CCDC197: variants seen among roughly 807,000 people sequenced by gnomAD.
CCDC197 encodes the protein coiled-coil domain containing 197, also known as uncharacterized protein CCDC197.
A neutral mutation model predicts 13.4 loss-of-function variants in CCDC197; 24 were observed. The observed-to-expected ratio is 1.80, with a 90% CI of 1.30 to 2.53. CCDC197 has a LOEUF of 2.53. CCDC197 is among the 30% of genes most tolerant of loss of function. The pLI is 0.00. For missense variants in CCDC197, 255 were observed against 148.8 expected (o/e 1.71, Z -3.71); for synonymous variants, 99 against 55.5 (o/e 1.78, Z -3.48).
chr14:93,993,579 A>G (rs1595348131), upstream of CCDC197, among the ~76,000 whole-genome samples: 3 of 152,318 alleles, frequency 2.0e-5, no homozygotes, highest in South Asian at 2.1e-4. Flanking sequence ...ATGGCTGAGG[A>G]AGGGCCGGCC....
At chr14:93,996,953 G>T (rs563191260), upstream of CCDC197, among the ~76,000 whole-genome samples, 23 of 152,214 alleles carry the variant, frequency 1.5e-4, no homozygotes, top group Non-Finnish European at 2.8e-4. Flanking sequence ...TGAGCCTTGG[G>T]GGGGCTGATG....
chr14:94,001,306 C>CTG lies in CCDC197; in HGVS notation c.349_350insTG (p.His117LeufsTer7). 2.6e-6 allele frequency: 2 copies of CTG among 776,530 alleles called. No individual in the cohort carries two copies. Among genetic ancestry groups the CTG allele is most frequent in the Non-Finnish European group, 4.8e-6 (2 of 415,608 alleles). The allele number at this position is 776,530 out of a possible 1,614,324, so 48.1% of individuals were successfully genotyped here. ...GAGCCTGGAGTCTCTGGAGGAGGAC[C>CTG]ACAGGGCTCTCATGTTGGTAACAGC... On this transcript the variant is annotated frameshift_variant, in exon 4 of 7. Coordinates refer to ENST00000636493, the MANE Select transcript of CCDC197 (RefSeq NM_001351596.2). LOFTEE classifies it high-confidence loss of function.
chr14:94,001,960 C>A (rs1890527742), intron 4 of CCDC197, among the ~76,000 whole-genome samples: 1 of 152,158 alleles, frequency 6.6e-6, no homozygotes. Context: ...AGCATCTGCC[C>A]CCTAGTGGCA....
At chr14:93,998,761 C>G (rs150034305) in intron 2 of CCDC197, among the ~76,000 whole-genome samples, 1 of 152,242 alleles carries the variant, frequency 6.6e-6, no homozygotes, top group Non-Finnish European at 1.5e-5. Context: ...AGCACTGTCA[C>G]GGCTCACAGG....
chr14:94,000,813 T>G, intron 3 of CCDC197: 2 of 212,788 alleles, frequency 9.4e-6, no homozygotes, highest in African/African-American at 2.3e-5. Flanking sequence ...ACAGGAACAA[T>G]TCCTATCCCC....
intron 3 of CCDC197, among the ~76,000 whole-genome samples, 153 bp downstream of exon 3, chr14:93,999,818 C>G (rs1248024646): frequency 1.3e-5 from 2 of 152,202 alleles, no homozygotes; most frequent in African/African-American, 2.4e-5. Context: ...TGGGGAAGGG[C>G]TCAGGCAGCC....
At chr14:94,005,015 C>A (rs1242038483) in intron 6 of CCDC197, 44 bp downstream of exon 6, 1 of 690,968 alleles carries the variant, frequency 1.4e-6, no homozygotes, top group Non-Finnish European at 2.7e-6. Context: ...CTGCCCCAGG[C>A]AAGACTCCAA....
chr14:94,010,493 T>C (rs28552817), downstream of CCDC197, among the ~76,000 whole-genome samples: 62,310 of 152,222 alleles, frequency 0.41, 14,818 homozygotes, highest in African/African-American at 0.66. Context: ...CATGAGCCAC[T>C]GTGCCCAGTG....
chr14:94,005,116 A>G (rs1395891725), intron 6 of CCDC197, 145 bp downstream of exon 6: 3 of 603,866 alleles, frequency 5.0e-6, no homozygotes, highest in Admixed American at 5.5e-5. Context: ...TGCCTGGTGC[A>G]GTAAGGTCCT....
In CCDC197 at chr14:94,001,279, C is replaced by G. The variant is rs1278630255; in HGVS notation, c.322C>G (p.Arg108Gly). 3.8e-6 allele frequency: 3 copies of G among 780,382 alleles called. No individual in the cohort carries two copies. In the African/African-American group the frequency reaches 5.1e-5, roughly 13 times the overall value. The allele number at this position is 780,382 out of a possible 1,614,324, so 48.3% of individuals were successfully genotyped here. The change falls in exon 4 of 7, where the codon CGG becomes GGG. Residue 108 changes from arginine to glycine, a missense_variant. Coordinates refer to ENST00000636493, the MANE Select transcript of CCDC197 (RefSeq NM_001351596.2). ...AFCQMIQAVH[R>G]SLESLEEDHR... is the part of the protein sequence containing the mutation. ...CTGCCAGATGATCCAGGCTGTCCAC[C>G]GGAGCCTGGAGTCTCTGGAGGAGGA...
chr14:94,001,066 G>A, intron 3 of CCDC197, 79 bp from the exon 4 acceptor site: 1 of 653,542 alleles, frequency 1.5e-6, no homozygotes, highest in Non-Finnish European at 2.8e-6. Flanking sequence ...TGTGGCCCCA[G>A]CTGGAATTCC....
intron 6 of CCDC197, among the ~76,000 whole-genome samples, chr14:94,007,878 C>A (rs1318956769): frequency 6.6e-6 from 1 of 152,198 alleles, no homozygotes; most frequent in Admixed American, 6.5e-5. Context: ...AGTGAGCAAG[C>A]CTGTGGCTCA....
chr14:93,989,743 G>C (rs1180042140), intron 1 of CCDC197, among the ~76,000 whole-genome samples: 1 of 152,112 alleles, frequency 6.6e-6, no homozygotes, highest in Non-Finnish European at 1.5e-5. Context: ...AACCAGCCCC[G>C]ATGTGCTGTA....
intron 6 of CCDC197, chr14:94,007,509 T>C (rs558443136): frequency 2.0e-5 from 3 of 152,382 alleles, no homozygotes; most frequent in South Asian, 2.1e-4. Flanking sequence ...AGTACCATAC[T>C]GTCTTTATTA....
At chr14:94,010,213 G>A (rs76450806), downstream of CCDC197, among the ~76,000 whole-genome samples, 8 of 140,626 alleles carry the variant, frequency 5.7e-5, no homozygotes, top group East Asian at 6.2e-4. Flanking sequence ...GTTTGTTGTC[G>A]TTGTTTTTGA....
intron 1 of CCDC197, among the ~76,000 whole-genome samples, chr14:93,987,988 G>A (rs1012665263): frequency 7.2e-6 from 1 of 139,526 alleles, no homozygotes; most frequent in Non-Finnish European, 1.5e-5. Context: ...AAACAGTAGG[G>A]AGGTGGGGCA....
Position 94,003,456 on chromosome 14 carries a change from G to GAC in CCDC197, c.498+114_498+115dup. The GAC allele has an allele frequency of 2.2e-5, 14 of 627,276 alleles. No individual in the cohort carries two copies. Among genetic ancestry groups the GAC allele is most frequent in the South Asian group, 5.4e-5 (3 of 55,220 alleles). The allele number at this position is 627,276 out of a possible 1,614,324, so 38.9% of individuals were successfully genotyped here. ...AAACACACAGACACATACGCACGCA[G>GAC]ACACACACACACAGAGCCAGACACA... On this transcript the variant is annotated intron_variant, in intron 5 of 6. Coordinates refer to ENST00000636493, the MANE Select transcript of CCDC197 (RefSeq NM_001351596.2). The surrounding 1 kb of genome is among the most constrained non-coding windows in gnomAD (Gnocchi z 5.0).
Position 94,003,674 on chromosome 14 carries a change from CA to C in CCDC197, c.498+323del, listed in dbSNP as rs1156844523. ...ACAGACACACAGACACATACACACA[CA>C]AAGACACATGCAGAGACATACATAG... On this transcript the variant is annotated intron_variant, in intron 5 of 6. Transcript: ENST00000636493. The surrounding 1 kb of genome is among the most constrained non-coding windows in gnomAD (Gnocchi z 5.0). 1.3e-5 allele frequency among the ~76,000 whole-genome samples: 2 copies of C among 152,082 alleles called. No individual in the cohort carries two copies. The highest frequency in any genetic ancestry group is 4.8e-5 in the African/African-American group (2 of 41,486).
At chr14:94,002,374 C>T (rs933928899) in intron 4 of CCDC197, among the ~76,000 whole-genome samples, 1 of 151,966 alleles carries the variant, frequency 6.6e-6, no homozygotes. Context: ...CTGCAGCCTC[C>T]GCCTCCCAGG....
Sources: allele counts gnomAD v4.1 joint callset (sites outside exome capture counted in the v4.1 genomes callset), GRCh38; gene constraint gnomAD v4.1.1; non-coding constraint Gnocchi (gnomAD v3.1); transcripts MANE v1.5; gene names NCBI Gene and HGNC (gene_info 2026-07-23, HGNC 2026-07-21).